Variants in NCEH1 observed in about 807,000 individuals in gnomAD.
The protein encoded by NCEH1 is 2-acetyl MAGE hydrolase.
A neutral mutation model predicts 25.4 loss-of-function variants in NCEH1; 9 were observed. That is an observed-to-expected ratio of 0.35 (90% CI 0.21 to 0.62). The LOEUF (loss-of-function observed/expected upper bound fraction) is 0.62, where lower values mean the gene tolerates loss of function less well. NCEH1 is among the 20% of genes least tolerant of loss of function. The pLI is 0.72. For missense variants in NCEH1, 412 were observed against 501.1 expected, an observed-to-expected ratio of 0.82 and a Z score of 1.70; for synonymous variants, 200 against 199.8, an observed-to-expected ratio of 1.00 and a Z score of -0.01.
chr3:172,642,603 C>CAAAAAAAAAAAAAA (rs66551744), intron 3 of NCEH1, among the ~76,000 whole-genome samples: 11 of 83,882 alleles, frequency 1.3e-4, no homozygotes, highest in Admixed American at 2.4e-4. Context: ...GCTATTTCTA[C>CAAAAAAAAAAAAAA]AAAAAAAAAA....
At chr3:172,645,774 T>C in intron 2 of NCEH1, 82 bp from the exon 3 acceptor site, 2 of 797,884 alleles carry the variant, frequency 2.5e-6, no homozygotes, top group Non-Finnish European at 3.9e-6. Context: ...GTGTGAATTG[T>C]TTTTAGGCTT....
chr3:172,686,577 A>G (rs1284450042), intron 1 of NCEH1, among the ~76,000 whole-genome samples: 1 of 152,234 alleles, frequency 6.6e-6, no homozygotes, highest in Non-Finnish European at 1.5e-5. Flanking sequence ...GGATGTGGAC[A>G]TGCAAAGCCA....
At chr3:172,640,078 C>G (rs1716779786) in intron 3 of NCEH1, among the ~76,000 whole-genome samples, 1 of 152,204 alleles carries the variant, frequency 6.6e-6, no homozygotes, top group Non-Finnish European at 1.5e-5. Flanking sequence ...ATAACCTAAC[C>G]TGGAAGCCAT....
intron 3 of NCEH1, among the ~76,000 whole-genome samples, chr3:172,643,232 G>A (rs575848405): frequency 6.6e-6 from 1 of 152,018 alleles, no homozygotes; most frequent in East Asian, 1.9e-4. Context: ...GAGCCACCGC[G>A]CCTGGCCTTT....
chr3:172,647,971 C>CA lies in NCEH1; in HGVS notation c.281dup (p.Phe95ValfsTer2). ...CTTCGGGCTTCGGAGGGCCTTCAAACACTCTGACTTCCACACCATCAAAGT... is the reference window on the plus strand; with the variant it reads ...CTTCGGGCTTCGGAGGGCCTTCAAACAACTCTGACTTCCACACCATCAAAGT... On this transcript the variant is annotated frameshift_variant, in exon 2 of 5. Coordinates refer to ENST00000475381, the MANE Select transcript of NCEH1 (RefSeq NM_020792.6). LOFTEE classifies it high-confidence loss of function. 1 of 1,614,214 alleles carries CA rather than the reference C, an allele frequency of 6.2e-7. No individual in the cohort carries two copies. The highest frequency in any genetic ancestry group is 8.5e-7 in the Non-Finnish European group (1 of 1,180,050).
At chr3:172,639,423 A>C (rs947890387) in intron 3 of NCEH1, among the ~76,000 whole-genome samples, 2 of 152,162 alleles carry the variant, frequency 1.3e-5, no homozygotes, top group Non-Finnish European at 1.5e-5. Context: ...AGTATATCAA[A>C]ATTTTGTAAT....
intron 1 of NCEH1, among the ~76,000 whole-genome samples, chr3:172,697,675 G>A (rs1426280416): frequency 6.6e-6 from 1 of 152,128 alleles, no homozygotes; most frequent in African/African-American, 2.4e-5. Flanking sequence ...GGAGGGAGAG[G>A]AGGGAGAAGG....
At chr3:172,645,528 T>C in intron 3 of NCEH1, 95 bp downstream of exon 3, 2 of 746,436 alleles carry the variant, frequency 2.7e-6, no homozygotes, top group Admixed American at 2.5e-5. Flanking sequence ...GAGACCTTTA[T>C]TTTTTACTTT....
At chr3:172,704,291 A>T (rs901076078) in intron 1 of NCEH1, among the ~76,000 whole-genome samples, 1 of 152,246 alleles carries the variant, frequency 6.6e-6, no homozygotes, top group Non-Finnish European at 1.5e-5. Context: ...CATAAGAAAC[A>T]GGGGGAACAC....
intron 1 of NCEH1, among the ~76,000 whole-genome samples, chr3:172,674,681 A>T (rs767582982): frequency 2.6e-5 from 4 of 152,200 alleles, no homozygotes; most frequent in Non-Finnish European, 4.4e-5. Context: ...TTTTCAATGA[A>T]AATTATTTAC....
In NCEH1 at chr3:172,631,313, C is replaced by T. The variant is rs372470126; in HGVS notation, c.*2162G>A. 17 of 151,958 alleles carry T rather than the reference C, an allele frequency of 1.1e-4. No homozygotes were observed. Among genetic ancestry groups the T allele is most frequent in the Non-Finnish European group, 2.1e-4 (14 of 68,000 alleles). 9.4% of individuals were successfully genotyped at this position (151,958 alleles called of 1,614,324 possible). A position where few individuals can be genotyped will look rare whatever the true frequency, so the allele number is the denominator to read the frequency against. On this transcript the variant is annotated 3_prime_UTR_variant, in exon 5 of 5. Transcript: ENST00000475381. ...AATAAGGTCCAAATATTGGTTCCTT[C>T]AAATGGTGTCAAAAAGAATAGTATT...
At chr3:172,643,511 T>C (rs1716964060) in intron 3 of NCEH1, among the ~76,000 whole-genome samples, 2 of 152,238 alleles carry the variant, frequency 1.3e-5, no homozygotes, top group African/African-American at 4.8e-5. Flanking sequence ...CACCATGTTG[T>C]ATAGATTAGG....
At chr3:172,653,767 T>TTTTTTTTTTTTTTTTTTTG (rs1717558050) in intron 1 of NCEH1, among the ~76,000 whole-genome samples, 1 of 84,796 alleles carries the variant, frequency 1.2e-5, no homozygotes, top group Non-Finnish European at 2.4e-5. Flanking sequence ...TTTGTTTTTT[T>TTTTTTTTTTTTTTTTTTTG]TTTTTTTTGA....
At chr3:172,642,603 C>CAA (rs66551744) in intron 3 of NCEH1, among the ~76,000 whole-genome samples, 5,888 of 83,854 alleles carry the variant, frequency 0.07, 254 homozygotes, top group Non-Finnish European at 0.09. Flanking sequence ...GCTATTTCTA[C>CAA]AAAAAAAAAA....
At chr3:172,675,315 A>T (rs13099150) in intron 1 of NCEH1, among the ~76,000 whole-genome samples, 2,580 of 134,598 alleles carry the variant, frequency 0.019, 60 homozygotes, top group East Asian at 0.058. Context: ...ATAAATAAAT[A>T]AATAAATAAA....
intron 1 of NCEH1, among the ~76,000 whole-genome samples, chr3:172,682,537 C>A (rs1169032463): frequency 6.6e-6 from 1 of 152,162 alleles, no homozygotes; most frequent in African/African-American, 2.4e-5. Context: ...TTCTGAGAAA[C>A]TGGATATGTC....
At chr3:172,691,946 CAAAA>C (rs61592238) in intron 1 of NCEH1, among the ~76,000 whole-genome samples, 7 of 79,994 alleles carry the variant, frequency 8.8e-5, no homozygotes, top group Admixed American at 1.9e-4. Flanking sequence ...GACTCCGTCT[CAAAA>C]AAAAAAAAAA....
intron 1 of NCEH1, among the ~76,000 whole-genome samples, chr3:172,675,536 T>C (rs1247020326): frequency 6.6e-6 from 1 of 151,406 alleles, no homozygotes; most frequent in Non-Finnish European, 1.5e-5. Context: ...GTCAGAAAAA[T>C]GTATGTTGTA....
At chr3:172,669,661 T>C (rs1450328132) in intron 1 of NCEH1, among the ~76,000 whole-genome samples, 9 of 152,120 alleles carry the variant, frequency 5.9e-5, no homozygotes, top group Non-Finnish European at 8.8e-5. Context: ...TTCAGCCTCC[T>C]GAGTAGCTGG....
Sources: allele counts gnomAD v4.1 joint callset (sites outside exome capture counted in the v4.1 genomes callset), GRCh38; gene constraint gnomAD v4.1.1; transcripts MANE v1.5; gene names NCBI Gene and HGNC (gene_info 2026-07-23, HGNC 2026-07-21).